Variants in C2orf49 observed in about 807,000 individuals in gnomAD.
C2orf49 encodes the protein tRNA-splicing ligase complex subunit ASW.
Under a neutral mutation model 20.6 loss-of-function variants are expected in C2orf49, and 11 were observed. The observed-to-expected ratio is 0.53, with a 90% CI of 0.34 to 0.88. The LOEUF is 0.88. Among genes scored for constraint, C2orf49 ranks in the 40% least tolerant of loss-of-function variants. The pLI is 0.02. For synonymous variants in C2orf49, 134 were observed against 108.5 expected, an observed-to-expected ratio of 1.24 and a Z score of -1.46; for missense variants, 289 against 274.2, an observed-to-expected ratio of 1.05 and a Z score of -0.38.
the C2orf49 span, among the ~76,000 whole-genome samples, chr2:105,374,946 G>A: frequency 6.6e-6 from 1 of 152,198 alleles, no homozygotes; most frequent in African/African-American, 2.4e-5. Context: ...GCACAGGAGG[G>A]CTGTTCACGC....
At chr2:105,378,662 C>G in the C2orf49 span, 1 of 155,452 alleles carries the variant, frequency 6.4e-6, no homozygotes, top group Non-Finnish European at 1.4e-5. Context: ...AGCTCCGCAA[C>G]GTTTCTCTCA....
At chr2:105,380,712 A>G in the C2orf49 span, among the ~76,000 whole-genome samples, 1 of 152,224 alleles carries the variant, frequency 6.6e-6, no homozygotes, top group Non-Finnish European at 1.5e-5. Context: ...ACCTTGACAG[A>G]CTTGCTCAAG....
rs1679877349 is a variant in C2orf49, at chr2:105,348,897, A to G, written c.*3526A>G. The G allele has an allele frequency of 6.6e-6, 1 of 152,196 alleles. No homozygotes were observed. The highest frequency in any genetic ancestry group is 1.5e-5 in the Non-Finnish European group (1 of 68,030). The allele number at this position is 152,196 out of a possible 1,614,324, so 9.4% of individuals were successfully genotyped here. A position where few individuals can be genotyped will look rare whatever the true frequency, so the allele number is the denominator to read the frequency against. ...TTCTATACCTGGATTGATTAAGATC[A>G]GATGTGATTCGAGTAGTCCAGCCAT... On this transcript the variant is annotated 3_prime_UTR_variant, in exon 4 of 4. Coordinates refer to ENST00000258457, the MANE Select transcript of C2orf49 (RefSeq NM_024093.3).
At chr2:105,381,669 C>T in the C2orf49 span, among the ~76,000 whole-genome samples, 82 of 152,288 alleles carry the variant, frequency 5.4e-4, no homozygotes, top group African/African-American at 1.9e-3. Flanking sequence ...TGATTAAATT[C>T]CCTTCACAGA....
the C2orf49 span, among the ~76,000 whole-genome samples, chr2:105,380,558 C>T: frequency 2.6e-5 from 4 of 152,134 alleles, no homozygotes; most frequent in African/African-American, 9.7e-5. Context: ...AGAAAAGCTC[C>T]AAACCGATTT....
chr2:105,382,706 C>G, the C2orf49 span, among the ~76,000 whole-genome samples: 1 of 150,958 alleles, frequency 6.6e-6, no homozygotes, highest in Non-Finnish European at 1.5e-5. Context: ...TTTTTTTTCT[C>G]TTTGTAGCAC....
the C2orf49 span, among the ~76,000 whole-genome samples, chr2:105,362,394 G>A: frequency 1.3e-5 from 2 of 152,200 alleles, no homozygotes; most frequent in Non-Finnish European, 2.9e-5. Context: ...GCTGAGTTAG[G>A]TGAACTTGGT....
At chr2:105,339,991 G>C (rs1263993433) in intron 2 of C2orf49, among the ~76,000 whole-genome samples, 2 of 152,162 alleles carry the variant, frequency 1.3e-5, no homozygotes, top group African/African-American at 4.8e-5. Flanking sequence ...TAAAGGCCAG[G>C]GAGAAAGATT....
the C2orf49 span, among the ~76,000 whole-genome samples, chr2:105,384,765 C>T: frequency 8.5e-5 from 13 of 152,228 alleles, 1 homozygote; most frequent in Admixed American, 7.9e-4. Flanking sequence ...GCCTTGGCCT[C>T]CCAAAGTGCT....
chr2:105,378,292 A>T, the C2orf49 span: 2 of 429,136 alleles, frequency 4.7e-6, no homozygotes, highest in African/African-American at 2.0e-5. Flanking sequence ...TATTATCCAC[A>T]TGTTACTGGA....
Position 105,345,397 on chromosome 2 carries a change from T to G in C2orf49, c.*26T>G, listed in dbSNP as rs12991992. On this transcript the variant is annotated 3_prime_UTR_variant, in exon 4 of 4. Coordinates refer to ENST00000258457, the MANE Select transcript of C2orf49 (RefSeq NM_024093.3). The stretch of plus-strand genomic sequence containing the variant: ...AGAAAAGTTTCCAAAAATGTAAATA[T>G]ACTGTAACTGTAGTTTTTCAAATAT... 2 of 1,540,868 alleles carry G rather than the reference T, an allele frequency of 1.3e-6. No individual in the cohort carries two copies. Among genetic ancestry groups the G allele is most frequent in the South Asian group, 2.3e-5 (2 of 87,692 alleles).
At chr2:105,373,745 G>C in the C2orf49 span, 76 of 1,613,272 alleles carry the variant, frequency 4.7e-5, no homozygotes, top group East Asian at 1.7e-3. Flanking sequence ...TGTGGGGCCA[G>C]ACCACACAAG....
downstream of C2orf49, among the ~76,000 whole-genome samples, chr2:105,351,782 G>A (rs1441437198): frequency 6.6e-6 from 1 of 152,132 alleles, no homozygotes; most frequent in Non-Finnish European, 1.5e-5. Flanking sequence ...TGAGATCTGG[G>A]TACTAAGTAT....
rs1679875731 is a variant in C2orf49, at chr2:105,348,834, A to T, written c.*3463A>T. The T allele has an allele frequency of 6.6e-6, 1 of 152,200 alleles. No individual in the cohort carries two copies. 9.4% of individuals were successfully genotyped at this position (152,200 alleles called of 1,614,324 possible). ...TAATGACTTGATCTGTTTTTATTTG[A>T]GTGAACAATTTTGGAAAGTATTCTT... On this transcript the variant is annotated 3_prime_UTR_variant, in exon 4 of 4. Transcript: ENST00000258457.
chr2:105,339,558 ATTAC>A lies in C2orf49; in HGVS notation c.100-22_100-19del, dbSNP rs752529468. ...TTAAAATTAAAAACATTGTTTTGAA[ATTAC>A]TTTTGTTTCCTTTCCCGCAGAAGAA... On this transcript the variant is annotated intron_variant, in intron 1 of 3. Transcript: ENST00000258457. 1.8e-5 allele frequency: 29 copies of A among 1,573,696 alleles called. No homozygotes were observed. In the African/African-American group the frequency reaches 3.5e-4, roughly 19 times the overall value.
chr2:105,337,573 C>G lies in C2orf49; in HGVS notation c.-15C>G, dbSNP rs370572033. On this transcript the variant is annotated 5_prime_UTR_variant, in exon 1 of 4. Coordinates refer to ENST00000258457, the MANE Select transcript of C2orf49 (RefSeq NM_024093.3). ...GGCTTTGTGGGTAGCCGACTGGGGTCTCCTGGCGACGACCATGGCGGGGGA... is the reference window on the plus strand; with the variant it reads ...GGCTTTGTGGGTAGCCGACTGGGGTGTCCTGGCGACGACCATGGCGGGGGA... 1 of 1,613,246 alleles carries G rather than the reference C, an allele frequency of 6.2e-7. No homozygotes were observed. The highest frequency in any genetic ancestry group is 1.7e-5 in the Admixed American group (1 of 59,994).
the C2orf49 span, among the ~76,000 whole-genome samples, chr2:105,365,811 C>G: frequency 6.6e-6 from 1 of 151,620 alleles, no homozygotes; most frequent in African/African-American, 2.4e-5. Flanking sequence ...TGCCACTGTA[C>G]TACAGCCCAG....
the C2orf49 span, among the ~76,000 whole-genome samples, chr2:105,366,430 GA>G: frequency 6.6e-6 from 1 of 152,206 alleles, no homozygotes; most frequent in Non-Finnish European, 1.5e-5. Context: ...ATAACAGGAG[GA>G]GAGCGAACAG....
At chr2:105,384,812 T>C in the C2orf49 span, among the ~76,000 whole-genome samples, 1 of 152,194 alleles carries the variant, frequency 6.6e-6, no homozygotes, top group Non-Finnish European at 1.5e-5. Flanking sequence ...CCTGGCCTGG[T>C]TCTCCCCATT....
Sources: allele counts gnomAD v4.1 joint callset (sites outside exome capture counted in the v4.1 genomes callset), GRCh38; gene constraint gnomAD v4.1.1; transcripts MANE v1.5; gene names NCBI Gene and HGNC (gene_info 2026-07-23, HGNC 2026-07-21).